The following FGD4 variants were observed in gnomAD, a reference collection of about 807,000 sequenced individuals.
The protein encoded by FGD4 is FYVE, RhoGEF and PH domain-containing protein 4.
A neutral mutation model predicts 102.0 loss-of-function variants in FGD4; 42 were observed. The observed-to-expected ratio is 0.41, with a 90% confidence interval of 0.32 to 0.53. FGD4 has a LOEUF of 0.53. Ranked by LOEUF, FGD4 falls within the 20% of genes least tolerant of loss-of-function variation. The pLI, the probability that FGD4 is intolerant of heterozygous loss-of-function variation, is 0.21. For missense variants in FGD4, 902 were observed against 1,078.2 expected (o/e 0.84, Z 2.29); for synonymous variants, 380 against 375.7 (o/e 1.01, Z -0.13).
At chr12:32,538,868 C>T (rs1010071790) in intron 1 of FGD4, among the ~76,000 whole-genome samples, 1 of 152,060 alleles carries the variant, frequency 6.6e-6, no homozygotes, top group Non-Finnish European at 1.5e-5. Context: ...TCCTGGCTAA[C>T]ACCGTGAAAC....
chr12:32,590,621 G>A (rs1358418209), intron 4 of FGD4, among the ~76,000 whole-genome samples: 1 of 152,122 alleles, frequency 6.6e-6, no homozygotes, highest in Non-Finnish European at 1.5e-5. Context: ...TGGCTCATTC[G>A]CTTACTAGCT....
chr12:32,589,612 C>T (rs1016775683), intron 4 of FGD4, among the ~76,000 whole-genome samples: 5 of 152,220 alleles, frequency 3.3e-5, no homozygotes, highest in Non-Finnish European at 5.9e-5. Context: ...GTGTAACTTA[C>T]ACTACATAGA....
intron 2 of FGD4, among the ~76,000 whole-genome samples, chr12:32,566,872 A>T (rs940275928): frequency 4.6e-5 from 7 of 152,150 alleles, no homozygotes; most frequent in African/African-American, 1.7e-4. Context: ...GGTTGCTGGG[A>T]CTTCAAGGTC....
chr12:32,640,024 CAG>C (rs887466527), intron 16 of FGD4, among the ~76,000 whole-genome samples: 2 of 152,148 alleles, frequency 1.3e-5, no homozygotes, highest in African/African-American at 4.8e-5. Flanking sequence ...GCTCTTTTCA[CAG>C]AGAGGAGGGT....
At chr12:32,527,235 A>T (rs1196720502) in intron 1 of FGD4, among the ~76,000 whole-genome samples, 1 of 152,196 alleles carries the variant, frequency 6.6e-6, no homozygotes, top group East Asian at 1.9e-4. Flanking sequence ...TGATAGAGTT[A>T]AACTGTGGGA....
At chr12:32,430,923 G>T (rs1182196574) in intron 1 of FGD4, among the ~76,000 whole-genome samples, 1 of 152,222 alleles carries the variant, frequency 6.6e-6, no homozygotes, top group African/African-American at 2.4e-5. Flanking sequence ...AGGAGGAGAA[G>T]GGTTCTGGAG....
chr12:32,577,194 G>T (rs1946198205), intron 3 of FGD4, among the ~76,000 whole-genome samples: 1 of 151,864 alleles, frequency 6.6e-6, no homozygotes, highest in African/African-American at 2.4e-5. Flanking sequence ...TTAGTCTTTT[G>T]ATAAAAAGAA....
intron 1 of FGD4, among the ~76,000 whole-genome samples, chr12:32,400,726 C>T (rs1449090128): frequency 6.6e-6 from 1 of 152,184 alleles, no homozygotes; most frequent in East Asian, 1.9e-4. Context: ...CCCCTCCCCT[C>T]CTTTATGCGG....
intron 1 of FGD4, among the ~76,000 whole-genome samples, chr12:32,426,539 T>G (rs1476298417): frequency 6.6e-6 from 1 of 152,054 alleles, no homozygotes; most frequent in East Asian, 1.9e-4. Context: ...TTTTGTTGTG[T>G]CTCTGCCAGG....
intron 1 of FGD4, among the ~76,000 whole-genome samples, chr12:32,402,117 ATTTTTTTTTTT>A (rs56852726): frequency 3.0e-4 from 32 of 105,200 alleles, no homozygotes; most frequent in Admixed American, 2.4e-3. Context: ...TTGGCCAGGC[ATTTTTTTTTTT>A]TTTTTTTTTT....
At chr12:32,453,200 T>TTATATATATATATATATA (rs1209887127) in intron 1 of FGD4, among the ~76,000 whole-genome samples, 91 of 64,558 alleles carry the variant, frequency 1.4e-3, no homozygotes, top group African/African-American at 4.5e-3. Flanking sequence ...TATATATATA[T>TTATATATATATATATATA]TATATATATA....
intron 3 of FGD4, among the ~76,000 whole-genome samples, chr12:32,577,019 A>G (rs1308128608): frequency 2.6e-5 from 4 of 152,188 alleles, no homozygotes; most frequent in East Asian, 1.9e-4. Flanking sequence ...GACAAAATGT[A>G]TGCTAAATTT....
At chr12:32,525,866 C>T (rs924317016) in intron 1 of FGD4, among the ~76,000 whole-genome samples, 11 of 152,218 alleles carry the variant, frequency 7.2e-5, no homozygotes, top group Admixed American at 2.0e-4. Context: ...GCTGGCCCAC[C>T]GGTGCTGCGC....
At chr12:32,433,918 T>C (rs1942138215) in intron 1 of FGD4, among the ~76,000 whole-genome samples, 1 of 151,928 alleles carries the variant, frequency 6.6e-6, no homozygotes, top group African/African-American at 2.4e-5. Flanking sequence ...TGCAGTGGCG[T>C]GATCTTGGCT....
intron 2 of FGD4, among the ~76,000 whole-genome samples, chr12:32,572,822 G>T (rs577158354): frequency 6.6e-6 from 1 of 152,216 alleles, no homozygotes; most frequent in Admixed American, 6.5e-5. Flanking sequence ...TTGTATATGT[G>T]TTTATGTCAG....
chr12:32,627,236 C>A (rs577370270), intron 14 of FGD4, among the ~76,000 whole-genome samples: 2 of 151,824 alleles, frequency 1.3e-5, no homozygotes, highest in East Asian at 3.9e-4. Flanking sequence ...CTCACTGCAA[C>A]CTCCACCTCC....
At chr12:32,409,529 C>T (rs1051816672) in intron 1 of FGD4, among the ~76,000 whole-genome samples, 2 of 151,270 alleles carry the variant, frequency 1.3e-5, no homozygotes, top group Non-Finnish European at 2.9e-5. Context: ...TCAGGTGATC[C>T]GCCTGCCTCG....
intron 1 of FGD4, among the ~76,000 whole-genome samples, chr12:32,534,717 T>C (rs1277282166): frequency 6.6e-6 from 1 of 152,164 alleles, no homozygotes; most frequent in Admixed American, 6.5e-5. Context: ...TACAAATGAG[T>C]TTGATAGTTA....
chr12:32,530,116 A>G (rs1434771579), intron 1 of FGD4, among the ~76,000 whole-genome samples: 3 of 152,102 alleles, frequency 2.0e-5, no homozygotes, highest in Non-Finnish European at 4.4e-5. Context: ...TTCCATGGAA[A>G]ATGGTAAGCT....
Sources: allele counts gnomAD v4.1 joint callset (sites outside exome capture counted in the v4.1 genomes callset), GRCh38; gene constraint gnomAD v4.1.1; transcripts MANE v1.5; gene names NCBI Gene and HGNC (gene_info 2026-07-23, HGNC 2026-07-21).